The following LRSAM1 variants were observed in gnomAD, a reference collection of about 807,000 sequenced individuals.
LRSAM1 encodes E3 ubiquitin-protein ligase LRSAM1.
LRSAM1 carries 96 observed loss-of-function variants against 118.1 expected under a neutral mutation model. That is an observed-to-expected ratio of 0.81 (90% CI 0.69 to 0.96). The LOEUF (loss-of-function observed/expected upper bound fraction) is 0.96, where lower values mean the gene tolerates loss of function less well. Ranked by LOEUF, LRSAM1 falls within the 40% of genes least tolerant of loss-of-function variation. The probability of loss-of-function intolerance (pLI) is 0.00; values close to 1 mark genes in which losing one functional copy is unlikely to be tolerated. For missense variants in LRSAM1, 804 were observed against 915.5 expected (o/e 0.88, Z 1.57); for synonymous variants, 322 against 364.2 (o/e 0.88, Z 1.32).
rs188602514 is a variant in LRSAM1 at position 127,476,968 on chromosome 9, C to T, written c.751-1966C>T. 1.4e-3 allele frequency among the ~76,000 whole-genome samples: 218 copies of T among 152,288 alleles called. 4 individuals are homozygous for T. The highest frequency in any genetic ancestry group is 0.014 in the Admixed American group (216 of 15,292). The stretch of plus-strand genomic sequence containing the variant: ...CTGGGATTACAGGCATGAGCCACCG[C>T]GCCCAGCCAGAATTGTTTTCTATCT... On this transcript the variant is annotated intron_variant, in intron 11 of 25. Transcript: ENST00000300417.
intron 16 of LRSAM1, among the ~76,000 whole-genome samples, chr9:127,485,008 A>G (rs571435677): frequency 6.6e-6 from 1 of 151,198 alleles, no homozygotes; most frequent in South Asian, 2.1e-4. Flanking sequence ...CAGTTTCGCC[A>G]TGTTGGCCAG....
At chr9:127,490,935 C>T (rs1009124656) in intron 19 of LRSAM1, among the ~76,000 whole-genome samples, 1 of 152,170 alleles carries the variant, frequency 6.6e-6, no homozygotes, top group Non-Finnish European at 1.5e-5. Context: ...AGCCTTTATC[C>T]TGATCCCACT....
chr9:127,491,091 C>A, intron 19 of LRSAM1, 124 bp from the exon 20 acceptor site: 2 of 819,442 alleles, frequency 2.4e-6, no homozygotes, highest in South Asian at 1.4e-5. Context: ...TCCCCTCATT[C>A]CAGAGCCTCC....
At chr9:127,455,096 C>T (rs749592869) in intron 4 of LRSAM1, 42 bp downstream of exon 4, 14 of 1,596,092 alleles carry the variant, frequency 8.8e-6, no homozygotes, top group Middle Eastern at 1.7e-4. Flanking sequence ...GGATCTGTCC[C>T]GTTTTCTTGG....
At chr9:127,494,952 T>G (rs1311043355) in intron 21 of LRSAM1, among the ~76,000 whole-genome samples, 3 of 151,942 alleles carry the variant, frequency 2.0e-5, no homozygotes, top group Non-Finnish European at 4.4e-5. Flanking sequence ...TTTGGTTTTG[T>G]TTTGTTTTGT....
intron 16 of LRSAM1, among the ~76,000 whole-genome samples, chr9:127,483,538 T>C (rs540365110): frequency 3.9e-4 from 60 of 152,306 alleles, no homozygotes; most frequent in Non-Finnish European, 7.3e-4. Context: ...CTCTGCAGTA[T>C]TAGCATCCCA....
chr9:127,493,865 C>T (rs1415454268), intron 21 of LRSAM1, among the ~76,000 whole-genome samples: 1 of 152,170 alleles, frequency 6.6e-6, no homozygotes, highest in Non-Finnish European at 1.5e-5. Flanking sequence ...TTCCTGTGTC[C>T]CCGTGAATGC....
chr9:127,481,052 C>A, intron 14 of LRSAM1, 131 bp from the exon 15 acceptor site: 2 of 895,920 alleles, frequency 2.2e-6, no homozygotes, highest in Non-Finnish European at 3.6e-6. Context: ...TGGCTAAGAA[C>A]CCAGAGCTTC....
At chr9:127,470,489 G>C (rs1376851352) in intron 10 of LRSAM1, among the ~76,000 whole-genome samples, 2 of 152,170 alleles carry the variant, frequency 1.3e-5, no homozygotes, top group South Asian at 4.1e-4. Context: ...AGAGATTGAG[G>C]TGGGGACACA....
chr9:127,465,831 G>A lies in LRSAM1; in HGVS notation c.529-1909G>A, dbSNP rs894452446. ...CTGTGGGAAGTCAGAGGTTGGCAGC[G>A]GGAGGGCAGGGTCCAACACAACTCA... On this transcript the variant is annotated intron_variant, in intron 9 of 25. Coordinates refer to ENST00000300417, the MANE Select transcript of LRSAM1 (RefSeq NM_001005373.4). The surrounding 1 kb of genome is among the most constrained non-coding windows in gnomAD (Gnocchi z 4.1). Among the ~76,000 whole-genome samples the A allele has an allele frequency of 8.5e-5, 13 of 152,310 alleles. No homozygotes were observed. The highest frequency in any genetic ancestry group is 2.9e-4 in the African/African-American group (12 of 41,556).
At chr9:127,462,467 AC>A (rs1260908724) in intron 9 of LRSAM1, 94 bp downstream of exon 9, 3 of 1,591,302 alleles carry the variant, frequency 1.9e-6, no homozygotes, top group Non-Finnish European at 2.6e-6. Flanking sequence ...ATCTCACGGT[AC>A]CAGGGCCACA....
In LRSAM1 at chr9:127,490,065, C is replaced by G. The variant is rs1054902135; in HGVS notation, c.1422+547C>G. ...TCATGTGACAAGATACCCCCCACCC[C>G]CCGCAGGCCGGCTGCTGACCTTCAA... On this transcript the variant is annotated intron_variant, in intron 19 of 25. Transcript: ENST00000300417. Among the ~76,000 whole-genome samples the G allele has an allele frequency of 8.9e-5, 13 of 146,212 alleles. No individual in the cohort carries two copies. The East Asian group carries it at 1.6e-3, about 18-fold the overall frequency.
intron 12 of LRSAM1, 36 bp from the exon 13 acceptor site, chr9:127,479,347 C>A: frequency 1.2e-6 from 2 of 1,613,938 alleles, no homozygotes; most frequent in Non-Finnish European, 1.7e-6. Flanking sequence ...TCCCCCAGGG[C>A]CTGTGCTGAC....
chr9:127,468,850 G>A (rs951741031), intron 10 of LRSAM1, among the ~76,000 whole-genome samples: 3 of 149,252 alleles, frequency 2.0e-5, no homozygotes, highest in African/African-American at 4.9e-5. Flanking sequence ...TCAGCCAGGC[G>A]TGGTGGCACG....
chr9:127,491,598 G>A (rs893922715), intron 20 of LRSAM1, among the ~76,000 whole-genome samples: 1 of 152,220 alleles, frequency 6.6e-6, no homozygotes, highest in African/African-American at 2.4e-5. Flanking sequence ...CTGGGTGCGG[G>A]CCCGCCGCTG....
chr9:127,458,397 A>G, intron 6 of LRSAM1, among the ~76,000 whole-genome samples: 1 of 149,012 alleles, frequency 6.7e-6, no homozygotes, highest in Non-Finnish European at 1.5e-5. Context: ...TCAAAAACAA[A>G]ACAAAACAAA....
chr9:127,458,904 TG>T, intron 6 of LRSAM1, 98 bp from the exon 7 acceptor site: 1 of 1,108,824 alleles, frequency 9.0e-7, no homozygotes, highest in Non-Finnish European at 1.4e-6. Flanking sequence ...GTTTCTGCAC[TG>T]GGGGTGTGAG....
intron 10 of LRSAM1, among the ~76,000 whole-genome samples, chr9:127,472,444 C>A (rs1168657737): frequency 2.0e-5 from 3 of 151,888 alleles, no homozygotes; most frequent in African/African-American, 7.3e-5. Flanking sequence ...GAGTTCGAGA[C>A]CACCTTTACC....
In LRSAM1 at chr9:127,465,941, C is replaced by T. The variant is rs544985576; in HGVS notation, c.529-1799C>T. ...AAACACGGAGGCATCTGCATGTGTGCGCTGATAAACATTTGTCATTACATA... is the reference window on the plus strand; with the variant it reads ...AAACACGGAGGCATCTGCATGTGTGTGCTGATAAACATTTGTCATTACATA... On this transcript the variant is annotated intron_variant, in intron 9 of 25. Transcript: ENST00000300417. The surrounding 1 kb of genome is among the most constrained non-coding windows in gnomAD (Gnocchi z 4.1). 4.1e-4 allele frequency among the ~76,000 whole-genome samples: 62 copies of T among 152,208 alleles called. 1 individual carries two copies. In the South Asian group the frequency reaches 0.011, roughly 27 times the overall value.
Sources: gnomAD v4.1 joint callset for allele counts (sites outside exome capture counted in the v4.1 genomes callset) on GRCh38, gnomAD v4.1.1 for gene constraint, Gnocchi (gnomAD v3.1) non-coding constraint, MANE v1.5 for transcripts, NCBI Gene and HGNC (gene_info 2026-07-23, HGNC 2026-07-21) for gene names.